TIAM2: variants seen among roughly 807,000 people sequenced by gnomAD.
TIAM2 encodes rho guanine nucleotide exchange factor TIAM2.
A neutral mutation model predicts 152.9 loss-of-function variants in TIAM2; 80 were observed. That is an observed-to-expected ratio of 0.52 (90% CI 0.44 to 0.63). The LOEUF is 0.63. TIAM2 is among the 30% of genes least tolerant of loss of function. TIAM2 has a pLI of 0.00. For synonymous variants in TIAM2, 804 were observed against 838.0 expected, an observed-to-expected ratio of 0.96 and a Z score of 0.70; for missense variants, 1,965 against 2,120.1, an observed-to-expected ratio of 0.93 and a Z score of 1.44.
At chr6:155,221,774 T>C (rs1337975374) in intron 15 of TIAM2, among the ~76,000 whole-genome samples, 1 of 152,120 alleles carries the variant, frequency 6.6e-6, no homozygotes, top group East Asian at 1.9e-4. Context: ...CCCTCAGCCC[T>C]CTATTTCCAG....
intron 2 of TIAM2, among the ~76,000 whole-genome samples, chr6:155,116,058 G>A (rs1779003264): frequency 6.6e-6 from 1 of 152,064 alleles, no homozygotes; most frequent in African/African-American, 2.4e-5. Flanking sequence ...AGCTGAGATC[G>A]CACCAGTGCA....
intron 21 of TIAM2, chr6:155,250,581 G>A (rs963391110): frequency 1.2e-5 from 19 of 1,535,850 alleles, no homozygotes; most frequent in Non-Finnish European, 1.6e-5. Flanking sequence ...CTAGATCCCA[G>A]GGGAAAGCTT....
At chr6:155,146,850 C>G (rs972429968) in intron 6 of TIAM2, among the ~76,000 whole-genome samples, 1 of 150,842 alleles carries the variant, frequency 6.6e-6, no homozygotes. Flanking sequence ...AACTCCTGAC[C>G]TCAAGTGACC....
intron 5 of TIAM2, among the ~76,000 whole-genome samples, chr6:155,141,142 A>G (rs1779695045): frequency 6.6e-6 from 1 of 152,204 alleles, no homozygotes; most frequent in African/African-American, 2.4e-5. Context: ...AAACACTTCA[A>G]GATCCATGGA....
chr6:155,205,781 C>A (rs571222788), intron 14 of TIAM2, among the ~76,000 whole-genome samples: 1 of 152,280 alleles, frequency 6.6e-6, no homozygotes, highest in East Asian at 1.9e-4. Context: ...AGAATTCCCC[C>A]TTGAGCCTAT....
In TIAM2 at chr6:155,000,529, C is replaced by CAAAAAAAAAAAAAAAAAAAAAAAA. The variant is rs58867200; in HGVS notation, c.-209+5056_-209+5057insAAAAAAAAAAAAAAAAAAAAAAAA. Among the ~76,000 whole-genome samples, 2 of 97,746 alleles carry CAAAAAAAAAAAAAAAAAAAAAAAA rather than the reference C, an allele frequency of 2.0e-5. 1 individual carries two copies. 64.1% of individuals were successfully genotyped at this position (97,746 alleles called of 152,430 possible). A position where few individuals can be genotyped will look rare whatever the true frequency, so the allele number is the denominator to read the frequency against. On this transcript the variant is annotated intron_variant, in intron 1 of 26. Coordinates refer to ENST00000682666, the MANE Select transcript of TIAM2 (RefSeq NM_012454.4). ...CTGGGCAACAAGAGGGAAACTGTTGCAAAAAAAAAAAAAAAAAAAGCATCC... is the reference window on the plus strand; with the variant it reads ...CTGGGCAACAAGAGGGAAACTGTTGCAAAAAAAAAAAAAAAAAAAAAAAAAAAAAAAAAAAAAAAAAAAGCATCC...
intron 2 of TIAM2, among the ~76,000 whole-genome samples, chr6:155,110,740 A>C (rs534672065): frequency 6.6e-6 from 1 of 152,354 alleles, no homozygotes; most frequent in East Asian, 1.9e-4. Context: ...CTTTAGTGCC[A>C]AGGTGATGTA....
intron 1 of TIAM2, among the ~76,000 whole-genome samples, chr6:155,024,032 A>G (rs562009878): frequency 6.6e-6 from 1 of 152,064 alleles, no homozygotes; most frequent in Non-Finnish European, 1.5e-5. Context: ...GCTCTCCAGG[A>G]CAGATTCCCT....
intron 14 of TIAM2, among the ~76,000 whole-genome samples, chr6:155,205,103 A>G (rs1781563913): frequency 6.8e-6 from 1 of 146,204 alleles, no homozygotes; most frequent in African/African-American, 2.5e-5. Flanking sequence ...TCCCAACACC[A>G]TTGCATTGAG....
At chr6:155,037,587 G>A (rs1398300871) in intron 1 of TIAM2, among the ~76,000 whole-genome samples, 1 of 152,102 alleles carries the variant, frequency 6.6e-6, no homozygotes, top group East Asian at 1.9e-4. Context: ...GGAGTGCAGT[G>A]GCGCAATCTC....
intron 2 of TIAM2, among the ~76,000 whole-genome samples, chr6:155,109,279 C>T (rs572671582): frequency 1.7e-4 from 25 of 149,596 alleles, no homozygotes; most frequent in African/African-American, 5.6e-4. Flanking sequence ...CCACTGCACC[C>T]GGCCTTCAGC....
At chr6:155,231,412 T>C (rs752793019) in intron 15 of TIAM2, among the ~76,000 whole-genome samples, 8 of 152,248 alleles carry the variant, frequency 5.3e-5, no homozygotes, top group Non-Finnish European at 8.8e-5. Context: ...TATAAAAATT[T>C]CATACAATTT....
intron 15 of TIAM2, among the ~76,000 whole-genome samples, chr6:155,231,182 T>C (rs1782460345): frequency 6.6e-6 from 1 of 152,178 alleles, no homozygotes; most frequent in Non-Finnish European, 1.5e-5. Context: ...CCTTCTCTTC[T>C]GGTCAGCAGA....
At chr6:155,009,984 C>T (rs1250969170) in intron 1 of TIAM2, among the ~76,000 whole-genome samples, 1 of 152,076 alleles carries the variant, frequency 6.6e-6, no homozygotes, top group African/African-American at 2.4e-5. Flanking sequence ...TCCTGAGTAG[C>T]TGGGACTACA....
chr6:155,171,850 G>A (rs184835909), intron 9 of TIAM2, among the ~76,000 whole-genome samples: 1 of 152,232 alleles, frequency 6.6e-6, no homozygotes, highest in Non-Finnish European at 1.5e-5. Context: ...AAAACTGGGA[G>A]CGTGCAACTC....
At chr6:155,252,459 AC>A (rs1783722856) in intron 23 of TIAM2, among the ~76,000 whole-genome samples, 1 of 152,188 alleles carries the variant, frequency 6.6e-6, no homozygotes, top group African/African-American at 2.4e-5. Flanking sequence ...ACAGAGTGAG[AC>A]CCTGTCAATA....
rs760857461 is a variant in TIAM2 at position 155,048,538 on chromosome 6, C to T, written c.-208-41751C>T. On this transcript the variant is annotated intron_variant, in intron 1 of 26. Transcript: ENST00000682666. The stretch of plus-strand genomic sequence containing the variant: ...AAGTGTGGCCGTGGAAGGAAGAGGA[C>T]AGAGCAAGAGAAGGGAGAATGGGGG... Among the ~76,000 whole-genome samples the T allele has an allele frequency of 1.6e-4, 23 of 148,018 alleles. 1 individual carries two copies. Among genetic ancestry groups the T allele is most frequent in the Middle Eastern group, 3.5e-3 (1 of 282 alleles).
intron 2 of TIAM2, among the ~76,000 whole-genome samples, chr6:155,094,513 C>T (rs1440392218): frequency 6.8e-6 from 1 of 147,674 alleles, no homozygotes; most frequent in Non-Finnish European, 1.5e-5. Flanking sequence ...TGTCTTTAGA[C>T]TGCATGACTC....
At chr6:155,139,502 T>C (rs1779640229) in intron 5 of TIAM2, among the ~76,000 whole-genome samples, 1 of 152,168 alleles carries the variant, frequency 6.6e-6, no homozygotes, top group Admixed American at 6.5e-5. Flanking sequence ...GATTTCTGTA[T>C]TGAATGACAG....
Sources: gnomAD v4.1 joint callset for allele counts (sites outside exome capture counted in the v4.1 genomes callset) on GRCh38, gnomAD v4.1.1 for gene constraint, MANE v1.5 for transcripts, NCBI Gene and HGNC (gene_info 2026-07-23, HGNC 2026-07-21) for gene names.